PDE10A: variants seen among roughly 807,000 people sequenced by gnomAD.
PDE10A encodes phosphodiesterase 10A.
A neutral mutation model predicts 97.7 loss-of-function variants in PDE10A; 39 were observed. The observed-to-expected ratio is 0.40, with a 90% CI of 0.31 to 0.52. PDE10A has a LOEUF of 0.52. Among genes scored for constraint, PDE10A ranks in the 20% least tolerant of loss-of-function variants. PDE10A has a pLI of 0.56. For synonymous variants in PDE10A, 371 were observed against 376.8 expected (o/e 0.98, Z 0.18); for missense variants, 731 against 1,047.8 (o/e 0.70, Z 4.17).
At chr6:165,347,806 A>T (rs942636215) in intron 18 of PDE10A, among the ~76,000 whole-genome samples, 13 of 152,216 alleles carry the variant, frequency 8.5e-5, no homozygotes, top group African/African-American at 2.7e-4. Context: ...GGCTGCTGCC[A>T]CATTTGGGAA....
intron 1 of PDE10A, among the ~76,000 whole-genome samples, chr6:165,804,116 T>C (rs1229880457): frequency 6.6e-6 from 1 of 152,190 alleles, no homozygotes; most frequent in Admixed American, 6.5e-5. Context: ...CAAGATCTAG[T>C]CAATTTAATT....
chr6:165,687,973 C>T (rs772231628), intron 1 of PDE10A, among the ~76,000 whole-genome samples: 14 of 152,148 alleles, frequency 9.2e-5, no homozygotes, highest in East Asian at 1.9e-4. Flanking sequence ...TGAACGAGGA[C>T]GGCTCAACTG....
intron 1 of PDE10A, among the ~76,000 whole-genome samples, chr6:165,710,449 G>A (rs1427468364): frequency 6.6e-6 from 1 of 152,170 alleles, no homozygotes; most frequent in African/African-American, 2.4e-5. Context: ...CAACTAAGAT[G>A]TTACGATGTT....
Position 165,711,186 on chromosome 6 carries a change from G to C in PDE10A, c.-614-167618C>G, listed in dbSNP as rs1476090999. Among the ~76,000 whole-genome samples the C allele has an allele frequency of 2.6e-5, 4 of 152,216 alleles. No individual in the cohort carries two copies. The highest frequency in any genetic ancestry group is 4.4e-5 in the Non-Finnish European group (3 of 68,034). Reference sequence around the variant, plus strand: ...GAACAACAGGGATATGACGTTAGCAGTAAGTTCTACTAAATACACCGTTAG... The same window carrying C: ...GAACAACAGGGATATGACGTTAGCACTAAGTTCTACTAAATACACCGTTAG... On this transcript the variant is annotated intron_variant, in intron 1 of 19. Transcript: ENST00000366882. This position sits in a 1 kb window ranked among gnomAD's most constrained non-coding sequence, Gnocchi z 4.5.
In PDE10A at chr6:165,965,673, C is replaced by T. The variant is rs192533396; in HGVS notation, c.-615+21856G>A. 2.6e-5 allele frequency among the ~76,000 whole-genome samples: 4 copies of T among 152,298 alleles called. No homozygotes were observed. In the East Asian group the frequency reaches 5.8e-4, roughly 22 times the overall value. ...ATTCAATAGTGGCTTTGGGTTTATCCTTGCAACTAAAAAACTGTGTCTACA... is the reference window on the plus strand; with the variant it reads ...ATTCAATAGTGGCTTTGGGTTTATCTTTGCAACTAAAAAACTGTGTCTACA... On this transcript the variant is annotated intron_variant, in intron 1 of 19. Coordinates refer to the PDE10A transcript ENST00000366882.
chr6:165,345,462 G>A (rs767981121), intron 18 of PDE10A, among the ~76,000 whole-genome samples: 3 of 152,144 alleles, frequency 2.0e-5, no homozygotes, highest in Non-Finnish European at 4.4e-5. Context: ...GATGGCCATG[G>A]CTATACAGAA....
intron 2 of PDE10A, among the ~76,000 whole-genome samples, chr6:165,540,320 C>T (rs1783353588): frequency 6.6e-6 from 1 of 152,186 alleles, no homozygotes; most frequent in Admixed American, 6.5e-5. Flanking sequence ...TCAGCGTTCA[C>T]ACTGCTTACA....
intron 1 of PDE10A, among the ~76,000 whole-genome samples, chr6:165,834,425 G>A (rs1406755925): frequency 2.6e-5 from 4 of 152,210 alleles, no homozygotes; most frequent in African/African-American, 9.7e-5. Flanking sequence ...CCGGGTGGCT[G>A]AGCTGGTGCC....
intron 1 of PDE10A, among the ~76,000 whole-genome samples, chr6:165,619,371 G>GTAGTGTAGTCTAGTGTAGTCTAGTGTA (rs1562634555): frequency 1.3e-4 from 1 of 7,654 alleles, no homozygotes; most frequent in Non-Finnish European, 3.6e-4. Flanking sequence ...AGTGTAGTGT[G>GTAGTGTAGTCTAGTGTAGTCTAGTGTA]GTGTAGTGTA....
chr6:165,743,681 A>G (rs762646810), intron 1 of PDE10A, among the ~76,000 whole-genome samples: 1 of 152,242 alleles, frequency 6.6e-6, no homozygotes, highest in Non-Finnish European at 1.5e-5. Flanking sequence ...GACAGATAAC[A>G]CAGTGAGTGA....
chr6:165,430,602 T>TAAACA lies in PDE10A; in HGVS notation c.1543-258_1543-257insTGTTT, dbSNP rs528104446. ...TTGGAATTTACATTTCATAATGGAC[T>TAAACA]TATAAAGATGTTAAGAACCTTACTG... On this transcript the variant is annotated intron_variant, in intron 8 of 21. Coordinates refer to ENST00000539869, the MANE Select transcript of PDE10A (RefSeq NM_001385079.1). Among the ~76,000 whole-genome samples, 20 of 117,354 alleles carry TAAACA rather than the reference T, an allele frequency of 1.7e-4. No homozygotes were observed. The Admixed American group carries it at 1.8e-3, about 10-fold the overall frequency. The allele number at this position is 117,354 out of a possible 152,430, so 77.0% of individuals were successfully genotyped here. A position where few individuals can be genotyped will look rare whatever the true frequency, so the allele number is the denominator to read the frequency against.
chr6:165,450,410 TA>T, intron 3 of PDE10A, 48 bp from the exon 4 acceptor site: 1 of 1,154,242 alleles, frequency 8.7e-7, no homozygotes, highest in South Asian at 1.6e-5. Flanking sequence ...AAATAAAATA[TA>T]ACAAAAATTC....
At chr6:165,805,728 A>C (rs547444685) in intron 1 of PDE10A, among the ~76,000 whole-genome samples, 88 of 152,276 alleles carry the variant, frequency 5.8e-4, no homozygotes, top group African/African-American at 2.0e-3. Flanking sequence ...TAGTTCATCA[A>C]GATGAACTCT....
intron 1 of PDE10A, among the ~76,000 whole-genome samples, chr6:165,560,007 T>C (rs904060123): frequency 6.6e-6 from 1 of 152,172 alleles, no homozygotes; most frequent in Admixed American, 6.5e-5. Flanking sequence ...GAAAACGAAT[T>C]AATACAGTCC....
intron 2 of PDE10A, among the ~76,000 whole-genome samples, chr6:165,487,850 G>A (rs547697790): frequency 6.6e-6 from 1 of 152,254 alleles, no homozygotes; most frequent in African/African-American, 2.4e-5. Flanking sequence ...AACACATGGT[G>A]TAGAATGTTC....
At chr6:165,946,607 A>G (rs756702494) in intron 1 of PDE10A, among the ~76,000 whole-genome samples, 2 of 152,194 alleles carry the variant, frequency 1.3e-5, no homozygotes, top group African/African-American at 4.8e-5. Flanking sequence ...AACTCTGTGC[A>G]GTTATGTATA....
At chr6:165,826,353 C>T (rs573810992) in intron 1 of PDE10A, among the ~76,000 whole-genome samples, 13 of 150,444 alleles carry the variant, frequency 8.6e-5, no homozygotes, top group African/African-American at 2.0e-4. Flanking sequence ...CCTGTGTCCC[C>T]GTGTCCCTCT....
chr6:165,569,993 G>A (rs959934619), intron 1 of PDE10A, among the ~76,000 whole-genome samples: 2 of 152,130 alleles, frequency 1.3e-5, no homozygotes, highest in African/African-American at 4.8e-5. Flanking sequence ...AAACTACAAT[G>A]TACATTCTTC....
At chr6:165,748,658 G>T (rs1792896487) in intron 1 of PDE10A, among the ~76,000 whole-genome samples, 1 of 152,228 alleles carries the variant, frequency 6.6e-6, no homozygotes, top group Admixed American at 6.5e-5. Context: ...ACAGCTCCCA[G>T]CAGTTCCACA....
Sources: gnomAD v4.1 joint callset for allele counts (sites outside exome capture counted in the v4.1 genomes callset) on GRCh38, gnomAD v4.1.1 for gene constraint, Gnocchi (gnomAD v3.1) non-coding constraint, MANE v1.5 for transcripts, NCBI Gene and HGNC (gene_info 2026-07-23, HGNC 2026-07-21) for gene names.